UCK2: variants seen among roughly 807,000 people sequenced by gnomAD.
UCK2 encodes cytidine monophosphokinase 2.
Under a neutral mutation model 30.8 loss-of-function variants are expected in UCK2, and 6 were observed. The ratio of observed to expected loss-of-function variants is 0.19; its 90% CI spans 0.11 to 0.38. The LOEUF (loss-of-function observed/expected upper bound fraction) is 0.38, where lower values mean the gene tolerates loss of function less well. Ranked by LOEUF, UCK2 falls within the 10% of genes least tolerant of loss-of-function variation. The pLI is 1.00. For synonymous variants in UCK2, 125 were observed against 133.6 expected, an observed-to-expected ratio of 0.94 and a Z score of 0.45; for missense variants, 210 against 339.8, an observed-to-expected ratio of 0.62 and a Z score of 3.00.
intron 1 of UCK2, among the ~76,000 whole-genome samples, chr1:165,886,263 A>G (rs1010645747): frequency 4.6e-5 from 7 of 152,046 alleles, no homozygotes; most frequent in Admixed American, 3.9e-4. Flanking sequence ...AACCCTGGTT[A>G]TTGGTGGATT....
At chr1:165,870,858 C>A (rs890701113) in intron 1 of UCK2, among the ~76,000 whole-genome samples, 2 of 152,228 alleles carry the variant, frequency 1.3e-5, no homozygotes, top group African/African-American at 4.8e-5. Context: ...TGCTCTGTTG[C>A]CCCGGCTGGG....
chr1:165,883,809 AAAG>A (rs1655556302), intron 1 of UCK2, among the ~76,000 whole-genome samples: 1 of 152,218 alleles, frequency 6.6e-6, no homozygotes, highest in African/African-American at 2.4e-5. Flanking sequence ...TGAAAAAAGA[AAAG>A]AATAGATGGC....
intron 1 of UCK2, among the ~76,000 whole-genome samples, chr1:165,855,244 A>C (rs1654711084): frequency 1.3e-5 from 2 of 152,202 alleles, no homozygotes; most frequent in African/African-American, 2.4e-5. Context: ...GTGTATGTGA[A>C]GGGGAGTTAT....
chr1:165,842,524 C>T (rs1474056600), intron 1 of UCK2, among the ~76,000 whole-genome samples: 1 of 152,204 alleles, frequency 6.6e-6, no homozygotes, highest in Non-Finnish European at 1.5e-5. Flanking sequence ...GTCACTCCTG[C>T]ACTTCCACAT....
At chr1:165,880,559 TTTTGGGGG>T (rs1211390328) in intron 1 of UCK2, among the ~76,000 whole-genome samples, 138 of 86,190 alleles carry the variant, frequency 1.6e-3, no homozygotes, top group Admixed American at 6.1e-3. Context: ...ATTCAGTTTT[TTTTGGGGG>T]TGTGTGTGTG....
chr1:165,898,375 C>T lies in UCK2; in HGVS notation c.499+2043C>T, dbSNP rs114532227. Among the ~76,000 whole-genome samples the T allele has an allele frequency of 4.1e-3, 623 of 152,294 alleles. 3 individuals are homozygous for T. The highest frequency in any genetic ancestry group is 0.014 in the African/African-American group (590 of 41,572). On this transcript the variant is annotated intron_variant, in intron 4 of 6. Transcript: ENST00000367879. ...ATGAGAGGTAGTGCAGGTAAAATGC[C>T]TGGTGGTGCATTAGTCAATAAATAT...
At chr1:165,903,307 T>C in intron 5 of UCK2, 28 bp downstream of exon 5, 1 of 1,600,306 alleles carries the variant, frequency 6.2e-7, no homozygotes, top group Non-Finnish European at 8.5e-7. Context: ...TTTGTTTTTG[T>C]TGAATGTAGA....
chr1:165,829,107 A>G (rs1224104870), intron 1 of UCK2, among the ~76,000 whole-genome samples: 1 of 151,994 alleles, frequency 6.6e-6, no homozygotes, highest in African/African-American at 2.4e-5. Context: ...GGTCTGGACT[A>G]CTTTAGCGCA....
intron 1 of UCK2, among the ~76,000 whole-genome samples, chr1:165,874,811 G>T (rs1284358763): frequency 2.6e-5 from 4 of 152,186 alleles, no homozygotes; most frequent in African/African-American, 9.6e-5. Context: ...CTAGAAGAGG[G>T]TGCTGTCCTT....
At chr1:165,877,330 A>G (rs1448107126) in intron 1 of UCK2, among the ~76,000 whole-genome samples, 2 of 152,200 alleles carry the variant, frequency 1.3e-5, no homozygotes, top group East Asian at 3.8e-4. Flanking sequence ...AATAATACAG[A>G]GAGATCCCAT....
chr1:165,842,356 C>T (rs1377724239), intron 1 of UCK2, among the ~76,000 whole-genome samples: 6 of 152,166 alleles, frequency 3.9e-5, no homozygotes, highest in Admixed American at 3.9e-4. Flanking sequence ...ATTTATTCAG[C>T]TGTCACTGGG....
intron 6 of UCK2, 21 bp downstream of exon 6, chr1:165,905,990 A>C (rs776449441): frequency 6.2e-7 from 1 of 1,609,328 alleles, no homozygotes; most frequent in South Asian, 1.1e-5. Flanking sequence ...GCAGAGTGTC[A>C]TCCTGGAGTA....
chr1:165,878,523 G>T (rs7535554), intron 1 of UCK2, among the ~76,000 whole-genome samples: 1 of 152,024 alleles, frequency 6.6e-6, no homozygotes, highest in African/African-American at 2.4e-5. Flanking sequence ...TGGAGACGGG[G>T]TTTGGTGAAA....
intron 1 of UCK2, among the ~76,000 whole-genome samples, chr1:165,835,897 G>A (rs1654176644): frequency 2.0e-5 from 3 of 151,958 alleles, no homozygotes; most frequent in Admixed American, 2.0e-4. Context: ...CTTTTCGATT[G>A]CATTACTACT....
intron 1 of UCK2, among the ~76,000 whole-genome samples, chr1:165,865,104 C>G (rs775665316): frequency 5.9e-5 from 9 of 152,246 alleles, no homozygotes; most frequent in Non-Finnish European, 1.3e-4. Context: ...TAGCTGTACA[C>G]ATCACATCAT....
intron 1 of UCK2, among the ~76,000 whole-genome samples, chr1:165,839,623 T>A (rs1243017454): frequency 6.6e-6 from 1 of 152,138 alleles, no homozygotes; most frequent in African/African-American, 2.4e-5. Flanking sequence ...CAGAAGATGC[T>A]TCCTTGTTGA....
intron 1 of UCK2, among the ~76,000 whole-genome samples, chr1:165,872,429 A>C (rs1655220576): frequency 6.6e-6 from 1 of 152,226 alleles, no homozygotes; most frequent in African/African-American, 2.4e-5. Context: ...ACAGCAAATT[A>C]AACAGACCAA....
At chr1:165,850,508 C>CA (rs1654562165) in intron 1 of UCK2, among the ~76,000 whole-genome samples, 1 of 151,638 alleles carries the variant, frequency 6.6e-6, no homozygotes, top group Non-Finnish European at 1.5e-5. Flanking sequence ...GGCATGATCA[C>CA]AGCTGTCTGC....
intron 1 of UCK2, among the ~76,000 whole-genome samples, chr1:165,848,107 T>C (rs147224745): frequency 2.6e-4 from 40 of 152,372 alleles, no homozygotes; most frequent in African/African-American, 9.6e-4. Context: ...GTTAACATAA[T>C]GATCATATGA....
Sources: allele counts gnomAD v4.1 joint callset (sites outside exome capture counted in the v4.1 genomes callset), GRCh38; gene constraint gnomAD v4.1.1; transcripts MANE v1.5; gene names NCBI Gene and HGNC (gene_info 2026-07-23, HGNC 2026-07-21).